PFKFB4: variants seen among roughly 807,000 people sequenced by gnomAD.
PFKFB4 encodes 6-phosphofructo-2-kinase/fructose-2,6-biphosphatase 4.
PFKFB4 carries 42 observed loss-of-function variants against 62.8 expected under a neutral mutation model. The observed-to-expected ratio is 0.67, with a 90% CI of 0.52 to 0.86. The LOEUF (loss-of-function observed/expected upper bound fraction) is 0.86. Ranked by LOEUF, PFKFB4 falls within the 40% of genes least tolerant of loss-of-function variation. The pLI, the probability that PFKFB4 is intolerant of heterozygous loss-of-function variation, is 0.00. For synonymous variants in PFKFB4, 204 were observed against 240.7 expected, an observed-to-expected ratio of 0.85 and a Z score of 1.41; for missense variants, 475 against 627.2, an observed-to-expected ratio of 0.76 and a Z score of 2.59.
chr3:48,518,294 C>A lies in PFKFB4; in HGVS notation c.*1453G>T, dbSNP rs2041980057. 6.6e-6 allele frequency: 1 copy of A among 152,604 alleles called. No individual in the cohort carries two copies. The highest frequency in any genetic ancestry group is 6.5e-5 in the Admixed American group (1 of 15,288). 9.5% of individuals were successfully genotyped at this position (152,604 alleles called of 1,614,324 possible). A position where few individuals can be genotyped will look rare whatever the true frequency, so the allele number is the denominator to read the frequency against. ...CACCGGCCAGGGCCAGGGACGCTAA[C>A]TTCTCTCAGGGACAGGTGGCATCTG... is the stretch of plus-strand genomic sequence containing the variant. On this transcript the variant is annotated 3_prime_UTR_variant, in exon 14 of 14. Coordinates refer to ENST00000232375, the MANE Select transcript of PFKFB4 (RefSeq NM_004567.4).
chr3:48,523,629 AC>A (rs758022873), intron 11 of PFKFB4, 30 bp from the exon 12 acceptor site: 2 of 1,613,942 alleles, frequency 1.2e-6, no homozygotes, highest in Non-Finnish European at 1.7e-6. Context: ...TGGCTAGCAC[AC>A]CAGAAATGCC....
rs573007087 is a variant in PFKFB4 at position 48,521,594 on chromosome 3, G to T, written c.1350+392C>A. ...TGGGGAGTGGGAAGAGTGCCCACCT[G>T]CCCTCAGAAGGCCAGAAGCCTCATT... On this transcript the variant is annotated intron_variant, in intron 13 of 13. Coordinates refer to ENST00000232375, the MANE Select transcript of PFKFB4 (RefSeq NM_004567.4). This position sits in a 1 kb window ranked among gnomAD's most constrained non-coding sequence, Gnocchi z 5.3. Among the ~76,000 whole-genome samples, 1 of 152,286 alleles carries T rather than the reference G, an allele frequency of 6.6e-6. No homozygotes were observed. Among genetic ancestry groups the T allele is most frequent in the African/African-American group, 2.4e-5 (1 of 41,570 alleles).
At chr3:48,541,831 T>C (rs2042808694) in intron 4 of PFKFB4, among the ~76,000 whole-genome samples, 1 of 152,056 alleles carries the variant, frequency 6.6e-6, no homozygotes, top group Non-Finnish European at 1.5e-5. Context: ...CCAAGCATGG[T>C]GGCACGTGCC....
chr3:48,520,861 C>T (rs1207574236), intron 13 of PFKFB4, among the ~76,000 whole-genome samples: 1 of 152,214 alleles, frequency 6.6e-6, no homozygotes, highest in Non-Finnish European at 1.5e-5. Context: ...TACCATCACC[C>T]TGCCAACCCA....
chr3:48,536,715 G>A, intron 7 of PFKFB4: 1 of 497,876 alleles, frequency 2.0e-6, no homozygotes. Flanking sequence ...CTTCCCAAAG[G>A]TGACATCCAA....
At chr3:48,539,914 C>G in intron 4 of PFKFB4, 143 bp from the exon 5 acceptor site, 1 of 673,924 alleles carries the variant, frequency 1.5e-6, no homozygotes. Flanking sequence ...GCCAGGTCCA[C>G]CTGCCTGGCC....
At position 48,523,123 on chromosome 3, in the gene PFKFB4, G is replaced by A. The variant is rs551737914; in HGVS notation, c.1285+414C>T. Among the ~76,000 whole-genome samples, 4 of 149,996 alleles carry A rather than the reference G, an allele frequency of 2.7e-5. 1 individual carries two copies. In the South Asian group the frequency reaches 6.8e-4, roughly 25 times the overall value. ...ATGGTAGCTCATGATGGTAGCTCAC[G>A]CCTGTAATCCCAGCACTTTGGGAGG... is the stretch of plus-strand genomic sequence containing the variant. On this transcript the variant is annotated intron_variant, in intron 12 of 13. Transcript: ENST00000232375.
chr3:48,562,998 C>A (rs192610365), upstream of PFKFB4: 60 of 1,609,134 alleles, frequency 3.7e-5, no homozygotes, highest in Non-Finnish European at 5.0e-5. The surrounding 1 kb of genome is among the most constrained non-coding windows in gnomAD (Gnocchi z 4.3). Context: ...TCTGAGGCCG[C>A]AGGTCGGGGA....
In PFKFB4 at chr3:48,521,880, C is replaced by T; in HGVS notation, c.1350+106G>A. 1.1e-6 allele frequency: 1 copy of T among 950,718 alleles called. No individual in the cohort carries two copies. The highest frequency in any genetic ancestry group is 1.3e-5 in the South Asian group (1 of 75,504). 58.9% of individuals were successfully genotyped at this position (950,718 alleles called of 1,614,324 possible). On this transcript the variant is annotated intron_variant, in intron 13 of 13. Transcript: ENST00000232375. This position sits in a 1 kb window ranked among gnomAD's most constrained non-coding sequence, Gnocchi z 5.3. ...CAACAGTCTTGGCAGAAGACTCAAG[C>T]TCCCTCTGGCAGGTGCCGCAGCTGG...
At chr3:48,543,096 C>A (rs1428531887) in intron 4 of PFKFB4, among the ~76,000 whole-genome samples, 1 of 152,144 alleles carries the variant, frequency 6.6e-6, no homozygotes, top group African/African-American at 2.4e-5. Context: ...CTGTGTTTGA[C>A]TATATAAGGC....
intron 3 of PFKFB4, among the ~76,000 whole-genome samples, chr3:48,545,710 T>C (rs986229447): frequency 1.3e-5 from 2 of 151,870 alleles, no homozygotes; most frequent in African/African-American, 4.8e-5. Flanking sequence ...CCAGTGATCC[T>C]CCCGCCACAG....
chr3:48,537,879 C>A (rs567131481), intron 7 of PFKFB4, among the ~76,000 whole-genome samples: 1 of 152,240 alleles, frequency 6.6e-6, no homozygotes, highest in East Asian at 1.9e-4. Flanking sequence ...TGTATTCCAG[C>A]CTTTTCACTG....
chr3:48,555,050 C>CAA (rs11328976), intron 1 of PFKFB4, among the ~76,000 whole-genome samples: 1 of 59,464 alleles, frequency 1.7e-5, no homozygotes, highest in Admixed American at 1.7e-4. Flanking sequence ...AACTCCGTCT[C>CAA]AAAAAAAAAA....
chr3:48,532,304 C>T (rs1350285473), intron 9 of PFKFB4, among the ~76,000 whole-genome samples: 1 of 151,884 alleles, frequency 6.6e-6, no homozygotes, highest in Non-Finnish European at 1.5e-5. Flanking sequence ...AGCGAGATTC[C>T]GTTTCAAAAT....
chr3:48,554,809 T>C (rs995184607), intron 1 of PFKFB4, among the ~76,000 whole-genome samples: 4 of 152,080 alleles, frequency 2.6e-5, no homozygotes, highest in Non-Finnish European at 5.9e-5. Flanking sequence ...CCCAACACTT[T>C]GGGAGGCCAA....
In PFKFB4 at chr3:48,519,676, A is replaced by G; in HGVS notation, c.*71T>C. The stretch of plus-strand genomic sequence containing the variant: ...GCATGGCATGGTGACTATCACACAC[A>G]CTGGAGGGCCTGGAATGACCCCCTC... On this transcript the variant is annotated 3_prime_UTR_variant, in exon 14 of 14. Transcript: ENST00000232375. The G allele has an allele frequency of 1.7e-6, 2 of 1,148,236 alleles. No homozygotes were observed. Among genetic ancestry groups the G allele is most frequent in the Non-Finnish European group, 2.6e-6 (2 of 759,556 alleles). 71.1% of individuals were successfully genotyped at this position (1,148,236 alleles called of 1,614,324 possible). A position where few individuals can be genotyped will look rare whatever the true frequency, so the allele number is the denominator to read the frequency against.
chr3:48,524,422 G>C (rs1177912203), intron 10 of PFKFB4, among the ~76,000 whole-genome samples: 1 of 152,180 alleles, frequency 6.6e-6, no homozygotes, highest in Admixed American at 6.5e-5. Context: ...CTTCAAAAAT[G>C]GCCTCCAGCA....
intron 9 of PFKFB4, 200 bp from the exon 10 acceptor site, chr3:48,525,869 A>G: frequency 2.6e-6 from 1 of 390,506 alleles, no homozygotes; most frequent in Non-Finnish European, 4.6e-6. Context: ...AAAAGCTACC[A>G]GGATGGTCTT....
chr3:48,531,069 TA>T (rs1386907778), intron 9 of PFKFB4, among the ~76,000 whole-genome samples: 2 of 151,660 alleles, frequency 1.3e-5, no homozygotes, highest in South Asian at 2.1e-4. Flanking sequence ...AAAAATATAA[TA>T]AAAAAATATG....
Sources: gnomAD v4.1 joint callset for allele counts (sites outside exome capture counted in the v4.1 genomes callset) on GRCh38, gnomAD v4.1.1 for gene constraint, Gnocchi (gnomAD v3.1) non-coding constraint, MANE v1.5 for transcripts, NCBI Gene and HGNC (gene_info 2026-07-23, HGNC 2026-07-21) for gene names.